The following MTUS2 variants were observed in gnomAD, a reference collection of about 807,000 sequenced individuals.
MTUS2 encodes the protein microtubule associated scaffold protein 2.
MTUS2 carries 40 observed loss-of-function variants against 114.1 expected under a neutral mutation model. The ratio of observed to expected loss-of-function variants is 0.35; its 90% CI spans 0.27 to 0.46. The LOEUF (loss-of-function observed/expected upper bound fraction) is 0.46. MTUS2 is among the 20% of genes least tolerant of loss of function. The pLI is 1.00. For synonymous variants in MTUS2, 688 were observed against 672.0 expected, an observed-to-expected ratio of 1.02 and a Z score of -0.37; for missense variants, 1,679 against 1,705.4, an observed-to-expected ratio of 0.98 and a Z score of 0.27.
At chr13:29,146,877 C>A (rs1892457648) in intron 5 of MTUS2, among the ~76,000 whole-genome samples, 1 of 152,074 alleles carries the variant, frequency 6.6e-6, no homozygotes, top group South Asian at 2.1e-4. Flanking sequence ...TAGGATGGCA[C>A]AGGATTTATT....
chr13:29,415,851 T>G (rs1875621592), intron 8 of MTUS2, among the ~76,000 whole-genome samples: 1 of 152,120 alleles, frequency 6.6e-6, no homozygotes. Context: ...GTGGTTATAT[T>G]TGCACCTTTT....
chr13:29,407,371 G>T (rs556065245), intron 8 of MTUS2, among the ~76,000 whole-genome samples: 1 of 152,120 alleles, frequency 6.6e-6, no homozygotes, highest in Admixed American at 6.5e-5. Context: ...ATATTTAGAC[G>T]TGGAATTACT....
intron 4 of MTUS2, among the ~76,000 whole-genome samples, chr13:29,073,791 C>T (rs559573910): frequency 1.3e-5 from 2 of 152,054 alleles, no homozygotes; most frequent in African/African-American, 2.4e-5. Flanking sequence ...TTCCTAAAGT[C>T]CCTACAAATG....
chr13:28,977,505 G>T (rs1018016973), intron 2 of MTUS2, among the ~76,000 whole-genome samples: 1 of 152,124 alleles, frequency 6.6e-6, no homozygotes, highest in Non-Finnish European at 1.5e-5. Flanking sequence ...TAAACTTTCT[G>T]TAATATAACC....
chr13:29,363,114 G>T (rs891689424), intron 8 of MTUS2, among the ~76,000 whole-genome samples: 1 of 151,972 alleles, frequency 6.6e-6, no homozygotes, highest in Non-Finnish European at 1.5e-5. Context: ...ACGGACTCGC[G>T]CTCCTTAGGG....
chr13:29,320,679 G>C (rs1900216994), intron 6 of MTUS2, among the ~76,000 whole-genome samples: 1 of 152,250 alleles, frequency 6.6e-6, no homozygotes, highest in African/African-American at 2.4e-5. Flanking sequence ...GGTTTTAACA[G>C]TAAAATCATG....
In MTUS2 at chr13:29,441,226, G is replaced by A. The variant is rs572653200; in HGVS notation, c.3184+1177G>A. On this transcript the variant is annotated intron_variant, in intron 9 of 15. Transcript: ENST00000612955. ...CACCAGGAGAAGCCCAGGGGTTGAC[G>A]CCAGATGTAGGCTTCTTCCAACAGT... Among the ~76,000 whole-genome samples, 43 of 152,080 alleles carry A rather than the reference G, an allele frequency of 2.8e-4. No homozygotes were observed. The South Asian group carries it at 7.9e-3, about 28-fold the overall frequency.
intron 2 of MTUS2, among the ~76,000 whole-genome samples, chr13:28,857,056 G>T (rs1471912582): frequency 6.6e-6 from 1 of 152,226 alleles, no homozygotes; most frequent in Non-Finnish European, 1.5e-5. Context: ...TCCTGAAGGG[G>T]CTGATTGCCC....
intron 2 of MTUS2, among the ~76,000 whole-genome samples, chr13:28,848,869 A>G (rs1347159225): frequency 1.3e-5 from 2 of 152,158 alleles, no homozygotes; most frequent in Non-Finnish European, 2.9e-5. Context: ...CATCTAACAG[A>G]TAAAGGCCAA....
intron 5 of MTUS2, among the ~76,000 whole-genome samples, chr13:29,119,440 CAA>C (rs34392111): frequency 1.3e-5 from 2 of 152,140 alleles, no homozygotes; most frequent in East Asian, 3.9e-4. Context: ...GCATATATGA[CAA>C]AAAGTTTTCA....
At chr13:29,248,687 C>T (rs1897014121) in intron 5 of MTUS2, among the ~76,000 whole-genome samples, 1 of 152,158 alleles carries the variant, frequency 6.6e-6, no homozygotes, top group Non-Finnish European at 1.5e-5. Flanking sequence ...TCCATGTGTT[C>T]TCATCGTTCA....
At chr13:28,964,611 A>G (rs1214051969) in intron 2 of MTUS2, among the ~76,000 whole-genome samples, 1 of 151,576 alleles carries the variant, frequency 6.6e-6, no homozygotes. Context: ...TGCAAGTGAC[A>G]TTGGGGATAA....
At chr13:29,098,228 C>T (rs768334271) in intron 4 of MTUS2, among the ~76,000 whole-genome samples, 22 of 152,110 alleles carry the variant, frequency 1.4e-4, no homozygotes, top group Non-Finnish European at 2.6e-4. Context: ...AAATATTTAT[C>T]AAATACATTG....
Position 29,459,859 on chromosome 13 carries a change from A to G in MTUS2, c.3184+19810A>G, listed in dbSNP as rs891591905. Among the ~76,000 whole-genome samples the G allele has an allele frequency of 1.2e-4, 19 of 152,216 alleles. No individual in the cohort carries two copies. The South Asian group carries it at 3.7e-3, about 30-fold the overall frequency. ...CCTGCTACTCCCATAAGATAGCCAC[A>G]TGCCCCTTGGAAGTTCTGCCAACTT... On this transcript the variant is annotated intron_variant, in intron 9 of 15. Coordinates refer to ENST00000612955, the MANE Select transcript of MTUS2 (RefSeq NM_001033602.4).
At chr13:29,104,253 A>G (rs1566010842) in intron 5 of MTUS2, among the ~76,000 whole-genome samples, 1 of 152,120 alleles carries the variant, frequency 6.6e-6, no homozygotes, top group South Asian at 2.1e-4. Context: ...CAGAACTTGA[A>G]GGTATCTTAC....
chr13:29,117,080 G>A (rs540953625), intron 5 of MTUS2, among the ~76,000 whole-genome samples: 1 of 152,276 alleles, frequency 6.6e-6, no homozygotes, highest in Non-Finnish European at 1.5e-5. Context: ...TTCTTTGGGA[G>A]TATTTCTTTA....
chr13:29,129,503 C>G (rs1209008037), intron 5 of MTUS2, among the ~76,000 whole-genome samples: 1 of 152,154 alleles, frequency 6.6e-6, no homozygotes, highest in African/African-American at 2.4e-5. Flanking sequence ...CAAAGAGGTT[C>G]AGCCTATTTA....
At chr13:28,933,666 C>T (rs1881743186) in intron 2 of MTUS2, among the ~76,000 whole-genome samples, 1 of 152,180 alleles carries the variant, frequency 6.6e-6, no homozygotes, top group African/African-American at 2.4e-5. Flanking sequence ...GGCTTAGCGT[C>T]CAGTGACTGT....
At chr13:29,256,436 G>C (rs1391037872) in intron 5 of MTUS2, among the ~76,000 whole-genome samples, 1 of 152,244 alleles carries the variant, frequency 6.6e-6, no homozygotes, top group Non-Finnish European at 1.5e-5. Flanking sequence ...CTCAGAGCCA[G>C]AGGGGCCACA....
Sources: allele counts gnomAD v4.1 joint callset (sites outside exome capture counted in the v4.1 genomes callset), GRCh38; gene constraint gnomAD v4.1.1; transcripts MANE v1.5; gene names NCBI Gene and HGNC (gene_info 2026-07-23, HGNC 2026-07-21).